Variants in CADM2 observed in about 807,000 individuals in gnomAD.
The protein encoded by CADM2 is immunoglobulin superfamily member 4D.
CADM2 carries 12 observed loss-of-function variants against 49.8 expected under a neutral mutation model. The ratio of observed to expected loss-of-function variants is 0.24; its 90% CI spans 0.15 to 0.39. The LOEUF (loss-of-function observed/expected upper bound fraction) is 0.39. CADM2 is among the 10% of genes least tolerant of loss of function. The pLI is 1.00. For missense variants in CADM2, 378 were observed against 492.3 expected, an observed-to-expected ratio of 0.77 and a Z score of 2.20; for synonymous variants, 214 against 175.4, an observed-to-expected ratio of 1.22 and a Z score of -1.74.
intron 1 of CADM2, among the ~76,000 whole-genome samples, chr3:85,066,867 G>A (rs537105378): frequency 4.6e-5 from 7 of 152,088 alleles, no homozygotes; most frequent in Non-Finnish European, 1.0e-4. Context: ...TTTTCCAGAC[G>A]AAGCCATTCA....
At chr3:85,376,497 C>A (rs1191430411) in intron 1 of CADM2, among the ~76,000 whole-genome samples, 1 of 151,872 alleles carries the variant, frequency 6.6e-6, no homozygotes, top group Non-Finnish European at 1.5e-5. Context: ...TAAAACTAAG[C>A]CATTGAAACT....
intron 1 of CADM2, among the ~76,000 whole-genome samples, chr3:85,534,080 C>CT (rs770240705): frequency 6.6e-6 from 1 of 152,038 alleles, no homozygotes; most frequent in Non-Finnish European, 1.5e-5. Context: ...TGATATTTTC[C>CT]TTTTTGTATT....
At chr3:85,643,279 A>G (rs916639306) in intron 1 of CADM2, among the ~76,000 whole-genome samples, 7 of 152,206 alleles carry the variant, frequency 4.6e-5, no homozygotes, top group African/African-American at 2.4e-5. Flanking sequence ...ACAGAATAGC[A>G]TGCTGCATGT....
At chr3:85,131,589 G>A (rs1460095705) in intron 1 of CADM2, among the ~76,000 whole-genome samples, 1 of 152,096 alleles carries the variant, frequency 6.6e-6, no homozygotes, top group Admixed American at 6.6e-5. Context: ...ATACTATATA[G>A]CGGGGCCCAT....
intron 1 of CADM2, among the ~76,000 whole-genome samples, chr3:85,003,908 T>G (rs2033596930): frequency 6.6e-6 from 1 of 152,150 alleles, no homozygotes; most frequent in African/African-American, 2.4e-5. Context: ...TGTAAAATGT[T>G]GATAAGAAGC....
intron 2 of CADM2, among the ~76,000 whole-genome samples, chr3:85,760,799 AT>A (rs745791623): frequency 9.2e-5 from 14 of 152,188 alleles, no homozygotes; most frequent in Non-Finnish European, 1.9e-4. Context: ...ATTTGTATAC[AT>A]TTCCTTGGAA....
Position 85,431,391 on chromosome 3 carries a change from C to A in CADM2, c.62-295131C>A, listed in dbSNP as rs374603987. On this transcript the variant is annotated intron_variant, in intron 1 of 9. Transcript: ENST00000383699. ...AAATTAATATTAGCTATTTTTACCT[C>A]ATTGGATAAGTTACAGAAACTAAAT... Among the ~76,000 whole-genome samples the A allele has an allele frequency of 6.7e-4, 102 of 152,172 alleles. 1 individual carries two copies. The highest frequency in any genetic ancestry group is 2.3e-3 in the African/African-American group (97 of 41,510).
chr3:85,309,281 T>C (rs533613500), intron 1 of CADM2, among the ~76,000 whole-genome samples: 2 of 152,224 alleles, frequency 1.3e-5, no homozygotes, highest in Admixed American at 6.5e-5. Flanking sequence ...GCTAATTTTA[T>C]ATGGTAGCAA....
At chr3:85,503,812 C>T (rs139332561) in intron 1 of CADM2, among the ~76,000 whole-genome samples, 237 of 152,324 alleles carry the variant, frequency 1.6e-3, no homozygotes, top group African/African-American at 5.3e-3. Context: ...CTAAGCAACA[C>T]AATGAATGAC....
chr3:85,193,286 A>G (rs1361738061), intron 1 of CADM2, among the ~76,000 whole-genome samples: 6 of 152,022 alleles, frequency 3.9e-5, no homozygotes, highest in Non-Finnish European at 8.8e-5. Flanking sequence ...TCTGGTCTTT[A>G]TGTGTGTCTT....
Position 85,764,859 on chromosome 3 carries a change from C to T in CADM2, c.89-37188C>T, listed in dbSNP as rs189923637. Reference sequence around the variant, plus strand: ...GTTGTAAAGTAGGTTTTATAATCATCCTATTTATAAATGGATAAACCAAGG... The same window carrying T: ...GTTGTAAAGTAGGTTTTATAATCATTCTATTTATAAATGGATAAACCAAGG... On this transcript the variant is annotated intron_variant, in intron 2 of 9. Coordinates refer to ENST00000383699, the MANE Select transcript of CADM2 (RefSeq NM_001167675.2). 1.4e-4 allele frequency among the ~76,000 whole-genome samples: 21 copies of T among 152,056 alleles called. No individual in the cohort carries two copies. The East Asian group carries it at 4.1e-3, about 29-fold the overall frequency.
chr3:85,024,004 C>A (rs559002541), intron 1 of CADM2, among the ~76,000 whole-genome samples: 1 of 152,140 alleles, frequency 6.6e-6, no homozygotes, highest in East Asian at 1.9e-4. Flanking sequence ...ACAAACTTAT[C>A]TTTCTTAGAT....
intron 1 of CADM2, among the ~76,000 whole-genome samples, chr3:85,200,299 T>C (rs990424678): frequency 1.3e-5 from 2 of 152,108 alleles, no homozygotes; most frequent in Non-Finnish European, 2.9e-5. Flanking sequence ...TTGACTTTCC[T>C]TGGCCATTAA....
At chr3:84,995,684 G>A (rs904712346) in intron 1 of CADM2, among the ~76,000 whole-genome samples, 2 of 152,120 alleles carry the variant, frequency 1.3e-5, no homozygotes, top group African/African-American at 4.8e-5. Flanking sequence ...GCCTACAAAA[G>A]AGATTACTTG....
intron 1 of CADM2, among the ~76,000 whole-genome samples, chr3:85,567,756 A>C (rs1201080626): frequency 6.6e-6 from 1 of 152,210 alleles, no homozygotes; most frequent in Non-Finnish European, 1.5e-5. Flanking sequence ...TGCAAGCTCA[A>C]GAAACAAGGA....
chr3:85,220,270 A>G (rs1312684637), intron 1 of CADM2, among the ~76,000 whole-genome samples: 2 of 152,118 alleles, frequency 1.3e-5, no homozygotes, highest in African/African-American at 4.8e-5. Flanking sequence ...AGTGCCAATT[A>G]ATTCCAATTT....
At chr3:85,684,314 C>T (rs946870036) in intron 1 of CADM2, among the ~76,000 whole-genome samples, 1 of 152,144 alleles carries the variant, frequency 6.6e-6, no homozygotes, top group African/African-American at 2.4e-5. Context: ...CTCCCCTTCA[C>T]ACTCTAGACT....
chr3:85,500,400 T>C (rs1049766775), intron 1 of CADM2, among the ~76,000 whole-genome samples: 7 of 152,196 alleles, frequency 4.6e-5, no homozygotes, highest in African/African-American at 1.7e-4. Context: ...TGATATATTA[T>C]ACTTTAATTG....
At chr3:85,442,255 C>G (rs975392282) in intron 1 of CADM2, among the ~76,000 whole-genome samples, 1 of 151,928 alleles carries the variant, frequency 6.6e-6, no homozygotes, top group Non-Finnish European at 1.5e-5. Context: ...TTGTGAATAT[C>G]TTTTCTTTTT....
Sources: allele counts gnomAD v4.1 joint callset (sites outside exome capture counted in the v4.1 genomes callset), GRCh38; gene constraint gnomAD v4.1.1; transcripts MANE v1.5; gene names NCBI Gene and HGNC (gene_info 2026-07-23, HGNC 2026-07-21).